ADAMTS19: variants seen among roughly 807,000 people sequenced by gnomAD.
ADAMTS19 encodes the protein A disintegrin and metalloproteinase with thrombospondin motifs 19.
In ADAMTS19, 93 loss-of-function variants were observed where a neutral mutation model predicts 153.3. That is an observed-to-expected ratio of 0.61 (90% CI 0.51 to 0.72). The LOEUF (loss-of-function observed/expected upper bound fraction) is 0.72, where lower values mean the gene tolerates loss of function less well. ADAMTS19 is among the 30% of genes least tolerant of loss of function. The pLI, the probability that ADAMTS19 is intolerant of heterozygous loss-of-function variation, is 0.00. For missense variants in ADAMTS19, 1,482 were observed against 1,552.1 expected (o/e 0.95, Z 0.76); for synonymous variants, 600 against 556.6 (o/e 1.08, Z -1.10).
intron 2 of ADAMTS19, among the ~76,000 whole-genome samples, chr5:129,492,247 G>C (rs1750791872): frequency 6.6e-6 from 1 of 152,138 alleles, no homozygotes; most frequent in South Asian, 2.1e-4. Context: ...ATTCATTATT[G>C]TGAGAACAGT....
At chr5:129,653,259 A>C (rs906119511) in intron 13 of ADAMTS19, among the ~76,000 whole-genome samples, 6 of 152,182 alleles carry the variant, frequency 3.9e-5, no homozygotes, top group Non-Finnish European at 7.4e-5. Context: ...TAAGCTTAAT[A>C]AACAGTAAAG....
intron 2 of ADAMTS19, among the ~76,000 whole-genome samples, chr5:129,475,737 G>A (rs1229733920): frequency 2.0e-5 from 3 of 152,180 alleles, no homozygotes; most frequent in Admixed American, 2.0e-4. Flanking sequence ...GGAGACTCAG[G>A]CATGAGAATT....
At chr5:129,642,515 A>T (rs1178290438) in intron 11 of ADAMTS19, among the ~76,000 whole-genome samples, 1 of 152,200 alleles carries the variant, frequency 6.6e-6, no homozygotes, top group Non-Finnish European at 1.5e-5. Flanking sequence ...CTGCTTTTGA[A>T]AATTAATTTT....
At chr5:129,470,087 G>C (rs1750014264) in intron 2 of ADAMTS19, among the ~76,000 whole-genome samples, 1 of 152,030 alleles carries the variant, frequency 6.6e-6, no homozygotes, top group South Asian at 2.1e-4. Flanking sequence ...TTTGAGACAT[G>C]GGCCAATTTT....
chr5:129,580,757 C>A (rs143584322), intron 7 of ADAMTS19, among the ~76,000 whole-genome samples: 9,276 of 152,170 alleles, frequency 0.061, 416 homozygotes, highest in Non-Finnish European at 0.088. Context: ...GTATGTTGAA[C>A]CAGCCTTGTA....
Position 129,528,546 on chromosome 5 carries a change from A to AG in ADAMTS19, c.1198dup (p.Glu400GlyfsTer9). ...CAGAACTATATATTGGGCATCATGGAGAAAAAATGCTAGAGAGTTTTTGTA... is the reference window on the plus strand; with the variant it reads ...CAGAACTATATATTGGGCATCATGGAGGAAAAAATGCTAGAGAGTTTTTGTA... On this transcript the variant is annotated frameshift_variant, in exon 6 of 23. Transcript: ENST00000274487. LOFTEE classifies it high-confidence loss of function. 1 of 1,602,302 alleles carries AG rather than the reference A, an allele frequency of 6.2e-7. No individual in the cohort carries two copies.
chr5:129,544,415 C>T (rs904158914), intron 6 of ADAMTS19, among the ~76,000 whole-genome samples: 4 of 152,048 alleles, frequency 2.6e-5, no homozygotes, highest in South Asian at 4.1e-4. Context: ...ATATTTAGAC[C>T]TAATGCTAAC....
chr5:129,541,281 T>C (rs970541242), intron 6 of ADAMTS19, among the ~76,000 whole-genome samples: 7 of 151,798 alleles, frequency 4.6e-5, no homozygotes, highest in Non-Finnish European at 7.4e-5. Flanking sequence ...GCATTTGTCA[T>C]AGTTTTATCG....
At chr5:129,602,142 G>C (rs940657086) in intron 8 of ADAMTS19, among the ~76,000 whole-genome samples, 1 of 152,054 alleles carries the variant, frequency 6.6e-6, no homozygotes, top group Non-Finnish European at 1.5e-5. Flanking sequence ...GCCCAGGCTG[G>C]AGTGCAATGG....
chr5:129,733,611 T>C (rs1332534105), intron 21 of ADAMTS19, among the ~76,000 whole-genome samples: 2 of 151,880 alleles, frequency 1.3e-5, no homozygotes, highest in Non-Finnish European at 2.9e-5. Context: ...TGAGATACCA[T>C]CTCATACCAG....
chr5:129,590,597 A>G (rs113439600), intron 7 of ADAMTS19, among the ~76,000 whole-genome samples: 133 of 152,292 alleles, frequency 8.7e-4, no homozygotes, highest in African/African-American at 3.1e-3. Flanking sequence ...TTTTTTAAAA[A>G]TATTTTTTTA....
chr5:129,525,113 G>A (rs73787546), intron 3 of ADAMTS19, among the ~76,000 whole-genome samples: 2,428 of 152,096 alleles, frequency 0.016, 60 homozygotes, highest in African/African-American at 0.055. Context: ...TAAAAATAGT[G>A]CCACTCTGAG....
chr5:129,585,312 G>A (rs1226220167), intron 7 of ADAMTS19, among the ~76,000 whole-genome samples: 1 of 151,800 alleles, frequency 6.6e-6, no homozygotes, highest in Non-Finnish European at 1.5e-5. Context: ...TGATCTGGCT[G>A]GGAGCTGCAG....
intron 2 of ADAMTS19, among the ~76,000 whole-genome samples, chr5:129,507,598 G>A (rs192171750): frequency 6.3e-4 from 96 of 151,724 alleles, no homozygotes; most frequent in Middle Eastern, 3.4e-3. Context: ...GTATTTTAAA[G>A]GTTCATTAGA....
At chr5:129,673,674 T>C (rs1344640183) in intron 16 of ADAMTS19, among the ~76,000 whole-genome samples, 2 of 152,200 alleles carry the variant, frequency 1.3e-5, no homozygotes, top group Admixed American at 6.5e-5. Context: ...TTCTATATTC[T>C]TACTGATACT....
chr5:129,476,140 T>C (rs1003367800), intron 2 of ADAMTS19, among the ~76,000 whole-genome samples: 8 of 152,022 alleles, frequency 5.3e-5, no homozygotes, highest in Non-Finnish European at 8.8e-5. Flanking sequence ...GTCTTTTTCA[T>C]AGCAGTAGGC....
intron 7 of ADAMTS19, among the ~76,000 whole-genome samples, chr5:129,578,095 TACATATAC>T (rs1318333494): frequency 4.9e-5 from 2 of 40,982 alleles, no homozygotes; most frequent in African/African-American, 8.0e-5. Flanking sequence ...TACATATACA[TACATATAC>T]ATATGCATGT....
At chr5:129,498,167 A>G (rs769281518) in intron 2 of ADAMTS19, among the ~76,000 whole-genome samples, 2 of 152,046 alleles carry the variant, frequency 1.3e-5, no homozygotes, top group Non-Finnish European at 2.9e-5. Flanking sequence ...TTCCTAATAG[A>G]CTTTACACTA....
chr5:129,734,714 C>T (rs1393794340), intron 21 of ADAMTS19, among the ~76,000 whole-genome samples: 2 of 151,880 alleles, frequency 1.3e-5, no homozygotes. Context: ...CTTTTCATTA[C>T]CCAAAACTCT....
Sources: allele counts gnomAD v4.1 joint callset (sites outside exome capture counted in the v4.1 genomes callset), GRCh38; gene constraint gnomAD v4.1.1; transcripts MANE v1.5; gene names NCBI Gene and HGNC (gene_info 2026-07-23, HGNC 2026-07-21).